Variants in GALNTL6 observed in about 807,000 individuals in gnomAD.
GALNTL6 encodes the protein polypeptide N-acetylgalactosaminyltransferase like 6.
In GALNTL6, 46 loss-of-function variants were observed where a neutral mutation model predicts 73.7. That is an observed-to-expected ratio of 0.62 (90% CI 0.49 to 0.80). The LOEUF is 0.80. Among genes scored for constraint, GALNTL6 ranks in the 30% least tolerant of loss-of-function variants. The pLI is 0.00. For synonymous variants in GALNTL6, 259 were observed against 263.7 expected, an observed-to-expected ratio of 0.98 and a Z score of 0.17; for missense variants, 604 against 755.0, an observed-to-expected ratio of 0.80 and a Z score of 2.34.
At chr4:172,797,681 G>A (rs1035565565) in intron 5 of GALNTL6, among the ~76,000 whole-genome samples, 1 of 152,050 alleles carries the variant, frequency 6.6e-6, no homozygotes, top group African/African-American at 2.4e-5. Context: ...TGGGACTACA[G>A]GCACACACCA....
chr4:171,914,866 T>G lies in GALNTL6; in HGVS notation c.138+100148T>G, dbSNP rs1171402976. 1.3e-5 allele frequency among the ~76,000 whole-genome samples: 2 copies of G among 151,962 alleles called. 1 individual carries two copies. Among genetic ancestry groups the G allele is most frequent in the African/African-American group, 4.8e-5 (2 of 41,412 alleles). On this transcript the variant is annotated intron_variant, in intron 2 of 12. Transcript: ENST00000506823. ...TTTTAGAGTATTTTTTTACACAGTT[T>G]GATAGGATCTTTTATTTTAAGCTGG...
At chr4:172,959,165 T>G (rs1000352044) in intron 10 of GALNTL6, among the ~76,000 whole-genome samples, 3 of 151,780 alleles carry the variant, frequency 2.0e-5, no homozygotes, top group African/African-American at 7.3e-5. Flanking sequence ...TGGTAAGGGG[T>G]GCATGATCGG....
At chr4:172,176,632 A>C in intron 2 of GALNTL6, among the ~76,000 whole-genome samples, 1 of 151,994 alleles carries the variant, frequency 6.6e-6, no homozygotes, top group Non-Finnish European at 1.5e-5. Flanking sequence ...TCAACAAAAA[A>C]TTAAAAATTA....
chr4:172,474,537 A>G (rs902256671), intron 5 of GALNTL6, among the ~76,000 whole-genome samples: 1 of 152,198 alleles, frequency 6.6e-6, no homozygotes, highest in African/African-American at 2.4e-5. Context: ...TGACAGAACT[A>G]TAATCAGTGA....
At chr4:172,093,168 G>A (rs754829400) in intron 2 of GALNTL6, among the ~76,000 whole-genome samples, 2 of 152,044 alleles carry the variant, frequency 1.3e-5, no homozygotes, top group Non-Finnish European at 2.9e-5. Context: ...CACTGCTCCC[G>A]GCCATAAAGT....
At position 171,988,920 on chromosome 4, in the gene GALNTL6, C is replaced by T. The variant is rs537545681; in HGVS notation, c.138+174202C>T. ...GGGAGGATGTGAAGGAGGCTTTGAACTGGGGGAAAAGGTGGCAATGAGGTG... is the reference window on the plus strand; with the variant it reads ...GGGAGGATGTGAAGGAGGCTTTGAATTGGGGGAAAAGGTGGCAATGAGGTG... On this transcript the variant is annotated intron_variant, in intron 2 of 12. Coordinates refer to ENST00000506823, the MANE Select transcript of GALNTL6 (RefSeq NM_001034845.3). Among the ~76,000 whole-genome samples the T allele has an allele frequency of 6.8e-4, 103 of 151,898 alleles. 1 individual carries two copies. The South Asian group carries it at 0.02, about 29-fold the overall frequency.
At chr4:172,156,344 C>A (rs1734260627) in intron 2 of GALNTL6, among the ~76,000 whole-genome samples, 1 of 151,492 alleles carries the variant, frequency 6.6e-6, no homozygotes, top group Non-Finnish European at 1.5e-5. Context: ...TTTCAGGCCC[C>A]GGGGGAGAAT....
chr4:172,327,766 A>AT (rs1431901895), intron 4 of GALNTL6, among the ~76,000 whole-genome samples: 2 of 151,206 alleles, frequency 1.3e-5, no homozygotes, highest in Non-Finnish European at 3.0e-5. Flanking sequence ...CCATTTCTTT[A>AT]TTTTGAGCCT....
chr4:172,822,071 G>A (rs896088897), intron 7 of GALNTL6, among the ~76,000 whole-genome samples: 4 of 152,220 alleles, frequency 2.6e-5, no homozygotes, highest in Admixed American at 2.6e-4. Flanking sequence ...CTCTCCCTAT[G>A]GGTGTGATCT....
At chr4:172,677,671 C>T (rs1732380756) in intron 5 of GALNTL6, among the ~76,000 whole-genome samples, 1 of 151,834 alleles carries the variant, frequency 6.6e-6, no homozygotes, top group South Asian at 2.1e-4. Context: ...ACCTGTAATC[C>T]CAGCACTTTG....
chr4:172,380,952 T>G (rs577535314), intron 5 of GALNTL6, among the ~76,000 whole-genome samples: 1 of 152,346 alleles, frequency 6.6e-6, no homozygotes, highest in South Asian at 2.1e-4. Context: ...ATTAAAGAGA[T>G]AATCTGATAA....
At chr4:172,572,610 C>G (rs1579201437) in intron 5 of GALNTL6, among the ~76,000 whole-genome samples, 1 of 152,144 alleles carries the variant, frequency 6.6e-6, no homozygotes, top group Non-Finnish European at 1.5e-5. Flanking sequence ...TCAGTCTCTT[C>G]ATTTATGTTG....
At chr4:172,668,082 G>A (rs1365136142) in intron 5 of GALNTL6, 2 of 152,150 alleles carry the variant, frequency 1.3e-5, no homozygotes, top group African/African-American at 4.8e-5. Context: ...TGGAGAGTTT[G>A]AGAAGGTATA....
intron 5 of GALNTL6, among the ~76,000 whole-genome samples, chr4:172,362,721 T>C (rs1464890243): frequency 1.3e-5 from 2 of 152,164 alleles, no homozygotes; most frequent in Non-Finnish European, 1.5e-5. Context: ...TGTCCACATG[T>C]TCTAATTTTA....
chr4:172,824,412 A>ATG (rs1742124953), intron 7 of GALNTL6, among the ~76,000 whole-genome samples: 1 of 149,166 alleles, frequency 6.7e-6, no homozygotes, highest in Admixed American at 6.7e-5. Context: ...GTGTGTGTTC[A>ATG]TGTGTGTGTG....
chr4:172,766,852 G>A (rs945165551), intron 5 of GALNTL6, among the ~76,000 whole-genome samples: 11 of 152,168 alleles, frequency 7.2e-5, no homozygotes, highest in Non-Finnish European at 1.3e-4. Flanking sequence ...CATTTTCAAA[G>A]TCCATAAATA....
At chr4:172,320,006 G>A (rs529239966) in intron 4 of GALNTL6, among the ~76,000 whole-genome samples, 1 of 152,146 alleles carries the variant, frequency 6.6e-6, no homozygotes, top group South Asian at 2.1e-4. Flanking sequence ...GCTTTCTATT[G>A]GCCTCACTCC....
intron 2 of GALNTL6, among the ~76,000 whole-genome samples, chr4:172,144,187 G>A (rs1161607712): frequency 1.3e-5 from 2 of 152,152 alleles, no homozygotes; most frequent in East Asian, 3.9e-4. Context: ...GAAGCGTGTT[G>A]TTGTTGAATA....
intron 2 of GALNTL6, among the ~76,000 whole-genome samples, chr4:171,907,209 C>T (rs1389211813): frequency 6.6e-6 from 1 of 152,166 alleles, no homozygotes; most frequent in Non-Finnish European, 1.5e-5. Flanking sequence ...CAAATTGTCC[C>T]AGTTTGCAGA....
Sources: allele counts gnomAD v4.1 joint callset (sites outside exome capture counted in the v4.1 genomes callset), GRCh38; gene constraint gnomAD v4.1.1; transcripts MANE v1.5; gene names NCBI Gene and HGNC (gene_info 2026-07-23, HGNC 2026-07-21).